The following SLC25A25 variants were observed in gnomAD, a reference collection of about 807,000 sequenced individuals.
SLC25A25 encodes the protein solute carrier family 25 member 25.
A neutral mutation model predicts 57.7 loss-of-function variants in SLC25A25; 32 were observed. That is an observed-to-expected ratio of 0.55 (90% CI 0.42 to 0.74). The LOEUF is 0.74. Ranked by LOEUF, SLC25A25 falls within the 30% of genes least tolerant of loss-of-function variation. The pLI is 0.00. For synonymous variants in SLC25A25, 306 were observed against 291.2 expected (o/e 1.05, Z -0.52); for missense variants, 556 against 701.3 (o/e 0.79, Z 2.34).
Position 128,102,317 on chromosome 9 carries a change from C to T in SLC25A25, c.513-53C>T. The T allele has an allele frequency of 6.6e-7, 1 of 1,523,734 alleles. No individual in the cohort carries two copies. Among genetic ancestry groups the T allele is most frequent in the Non-Finnish European group, 9.1e-7 (1 of 1,101,918 alleles). The allele number at this position is 1,523,734 out of a possible 1,614,324, so 94.4% of individuals were successfully genotyped here. A position where few individuals can be genotyped will look rare whatever the true frequency, so the allele number is the denominator to read the frequency against. ...TGGCTCACTGGGAGGTGGGGGGATG[C>T]AGCTGGCGGATGGGCATGTGGGCAC... On this transcript the variant is annotated intron_variant, in intron 4 of 10. Coordinates refer to ENST00000373069, the MANE Select transcript of SLC25A25 (RefSeq NM_001330988.2). The surrounding 1 kb of genome is among the most constrained non-coding windows in gnomAD (Gnocchi z 4.1).
chr9:128,071,757 C>T (rs923240175), intron 1 of SLC25A25, among the ~76,000 whole-genome samples: 7 of 151,372 alleles, frequency 4.6e-5, no homozygotes, highest in Non-Finnish European at 1.0e-4. Flanking sequence ...CGCTCTGTCG[C>T]CCAGGCTGGA....
At position 128,102,798 on chromosome 9, in the gene SLC25A25, T is replaced by C. The variant is rs909893005; in HGVS notation, c.624+317T>C. 3.3e-5 allele frequency among the ~76,000 whole-genome samples: 5 copies of C among 152,282 alleles called. No individual in the cohort carries two copies. Among genetic ancestry groups the C allele is most frequent in the South Asian group, 2.1e-4 (1 of 4,824 alleles). ...CCCCTTCCCATGATGCTGTCTGTTC[T>C]CCCAAAGCTGGTATGAGCCTTCCCC... On this transcript the variant is annotated intron_variant, in intron 5 of 10. Coordinates refer to ENST00000373069, the MANE Select transcript of SLC25A25 (RefSeq NM_001330988.2). This position sits in a 1 kb window ranked among gnomAD's most constrained non-coding sequence, Gnocchi z 4.1.
At chr9:128,074,601 C>T (rs961346855) in intron 1 of SLC25A25, among the ~76,000 whole-genome samples, 8 of 151,700 alleles carry the variant, frequency 5.3e-5, no homozygotes, top group Middle Eastern at 3.2e-3. Context: ...CCCAGCTACT[C>T]GGAAGGCTGA....
At chr9:128,079,714 CA>C (rs536807008) in intron 1 of SLC25A25, among the ~76,000 whole-genome samples, 2 of 143,550 alleles carry the variant, frequency 1.4e-5, no homozygotes, top group South Asian at 4.5e-4. Context: ...CAGGAGGGGC[CA>C]GGCGCGGTGG....
At chr9:128,087,318 G>A (rs1396691916) in intron 1 of SLC25A25, among the ~76,000 whole-genome samples, 1 of 152,132 alleles carries the variant, frequency 6.6e-6, no homozygotes. Flanking sequence ...GTGCGGTGCA[G>A]TGACGCAGTC....
In SLC25A25 at chr9:128,107,347, G is replaced by A. The variant is rs1834092518; in HGVS notation, c.1451G>A (p.Gly484Glu). The A allele has an allele frequency of 6.6e-7, 1 of 1,521,196 alleles. No individual in the cohort carries two copies. The highest frequency in any genetic ancestry group is 8.8e-7 in the Non-Finnish European group (1 of 1,133,238). The allele number at this position is 1,521,196 out of a possible 1,614,324, so 94.2% of individuals were successfully genotyped here. Reference protein sequence around the residue: ...RTEGAFGLYRGLAPNFMKVIP... With the variant: ...RTEGAFGLYRELAPNFMKVIP... ...GAGGGGGCCTTCGGGCTGTACAGGG[G>A]GCTGGCCCCCAACTTCATGAAGGTC... Residue 484 changes from glycine (G) to glutamate (E), a missense_variant, in exon 11 of 11, where the codon GGG (glycine) becomes GAG (glutamate). Physicochemically the swap from Gly to Glu is moderately conservative, Grantham distance 98. Around this residue, in one of 3 missense-constraint regions of SLC25A25, gnomAD observed 294 missense variants for 389.6 expected, o/e 0.75. Transcript: ENST00000373069.
chr9:128,098,637 A>C, intron 1 of SLC25A25: 1 of 1,614,144 alleles, frequency 6.2e-7, no homozygotes, highest in East Asian at 2.2e-5. Flanking sequence ...TTTGAGTCGA[A>C]GGGGCTCCCT....
At chr9:128,091,294 G>C (rs1452477559) in intron 1 of SLC25A25, 1 of 312,314 alleles carries the variant, frequency 3.2e-6, no homozygotes, top group African/African-American at 2.2e-5. Context: ...GCTTGAGTCC[G>C]CACCTCCCTG....
At chr9:128,100,803 G>C (rs545395895) in intron 1 of SLC25A25, 1 of 388,518 alleles carries the variant, frequency 2.6e-6, no homozygotes, top group East Asian at 5.5e-5. Context: ...AGCTGTCCCT[G>C]TCGGCCTCTG....
At chr9:128,091,591 A>G in intron 1 of SLC25A25, 1 of 1,097,576 alleles carries the variant, frequency 9.1e-7, no homozygotes, top group Non-Finnish European at 1.1e-6. Context: ...GCTCACCATC[A>G]CCTGCAGAAG....
At chr9:128,096,187 T>C (rs190422916) in intron 1 of SLC25A25, among the ~76,000 whole-genome samples, 2 of 152,224 alleles carry the variant, frequency 1.3e-5, no homozygotes, top group Admixed American at 1.3e-4. Flanking sequence ...GTTCAGCTTT[T>C]ATTTATAAAT....
At chr9:128,075,465 T>A (rs1192921937) in intron 1 of SLC25A25, among the ~76,000 whole-genome samples, 1 of 151,854 alleles carries the variant, frequency 6.6e-6, no homozygotes, top group African/African-American at 2.4e-5. Flanking sequence ...GGTGGATCGC[T>A]TGAGCTCAGG....
At position 128,107,541 on chromosome 9, in the gene SLC25A25, T is replaced by C; in HGVS notation, c.*97T>C. 1.4e-6 allele frequency: 2 copies of C among 1,403,978 alleles called. No individual in the cohort carries two copies. The highest frequency in any genetic ancestry group is 2.9e-5 in the African/African-American group (2 of 69,790). 87.0% of individuals were successfully genotyped at this position (1,403,978 alleles called of 1,614,324 possible). On this transcript the variant is annotated 3_prime_UTR_variant, in exon 11 of 11. Coordinates refer to ENST00000373069, the MANE Select transcript of SLC25A25 (RefSeq NM_001330988.2). ...CTGTGAATGTGCCAACACTAAGCTGTCTCGAGCCAAGCTGTGAAAACCCTA... is the reference window on the plus strand; with the variant it reads ...CTGTGAATGTGCCAACACTAAGCTGCCTCGAGCCAAGCTGTGAAAACCCTA...
intron 1 of SLC25A25, among the ~76,000 whole-genome samples, chr9:128,088,429 T>G (rs1166951432): frequency 6.6e-6 from 1 of 152,156 alleles, no homozygotes; most frequent in Non-Finnish European, 1.5e-5. Flanking sequence ...CTCTCTCCTC[T>G]CCGGCGCTTT....
rs1405161647 is a variant in SLC25A25 at position 128,102,147 on chromosome 9, C to T, written c.512+32C>T. 6.5e-7 allele frequency: 1 copy of T among 1,550,312 alleles called. No individual in the cohort carries two copies. Among genetic ancestry groups the T allele is most frequent in the Admixed American group, 2.0e-5 (1 of 51,012 alleles). ...ATCCATGTCGCTCATGACTGCCTCC[C>T]TTGACTTCCATGCCTGATCAGAGCG... On this transcript the variant is annotated intron_variant, in intron 4 of 10. Transcript: ENST00000373069. This position sits in a 1 kb window ranked among gnomAD's most constrained non-coding sequence, Gnocchi z 4.1.
rs749188523 is a variant in SLC25A25, at chr9:128,105,849, G to A, written c.904G>A (p.Glu302Lys). The change falls in exon 7 of 11, where the codon GAA (glutamate) becomes AAA (lysine). Residue 302 changes from glutamate (E) to lysine (K), a missense_variant. Glu to Lys is a moderately conservative substitution (Grantham distance 56). Around this residue, in one of 3 missense-constraint regions of SLC25A25, gnomAD observed 294 missense variants for 389.6 expected, o/e 0.75. Transcript: ENST00000373069. ...NGINVLKIAPESAIKFMAYEQ... is the reference protein window; with the variant it reads ...NGINVLKIAPKSAIKFMAYEQ... ...CATCAACGTCCTCAAAATTGCCCCC[G>A]AATCAGCCATCAAATTCATGGCCTA... The A allele has an allele frequency of 1.1e-5, 18 of 1,614,138 alleles. No individual in the cohort carries two copies. The highest frequency in any genetic ancestry group is 1.4e-5 in the Non-Finnish European group (17 of 1,180,040).
chr9:128,073,857 T>C (rs1832954703), intron 1 of SLC25A25, among the ~76,000 whole-genome samples: 1 of 150,760 alleles, frequency 6.6e-6, no homozygotes, highest in Non-Finnish European at 1.5e-5. Context: ...CCTCAGCCTC[T>C]GGTGTAGCTG....
At chr9:128,088,876 T>C (rs1048609472) in intron 1 of SLC25A25, among the ~76,000 whole-genome samples, 4 of 152,182 alleles carry the variant, frequency 2.6e-5, no homozygotes, top group Non-Finnish European at 5.9e-5. Flanking sequence ...ATCTCCTCCA[T>C]CTGGCCAGAC....
At position 128,103,026 on chromosome 9, in the gene SLC25A25, G is replaced by A. The variant is rs758995142; in HGVS notation, c.624+545G>A. Among the ~76,000 whole-genome samples, 6 of 152,184 alleles carry A rather than the reference G, an allele frequency of 3.9e-5. No individual in the cohort carries two copies. Among genetic ancestry groups the A allele is most frequent in the Non-Finnish European group, 4.4e-5 (3 of 68,036 alleles). ...TCTCTGAGTCCTGGTGTGCAGTCCT[G>A]TCCCTCTGGACCATCCGCTCCAGGA... On this transcript the variant is annotated intron_variant, in intron 5 of 10. Coordinates refer to ENST00000373069, the MANE Select transcript of SLC25A25 (RefSeq NM_001330988.2). The surrounding 1 kb of genome is among the most constrained non-coding windows in gnomAD (Gnocchi z 6.7).
Sources: allele counts gnomAD v4.1 joint callset (sites outside exome capture counted in the v4.1 genomes callset), GRCh38; gene constraint gnomAD v4.1.1; regional missense constraint gnomAD v4.1.1; non-coding constraint Gnocchi (gnomAD v3.1); transcripts MANE v1.5; gene names NCBI Gene and HGNC (gene_info 2026-07-23, HGNC 2026-07-21).